PNKP: variants seen among roughly 807,000 people sequenced by gnomAD.
The protein encoded by PNKP is polynucleotide kinase 3'-phosphatase.
A neutral mutation model predicts 66.2 loss-of-function variants in PNKP; 82 were observed. That is an observed-to-expected ratio of 1.24 (90% CI 1.04 to 1.49). The LOEUF (loss-of-function observed/expected upper bound fraction) is 1.49. Ranked by LOEUF, PNKP falls within the 40% of genes most tolerant of loss-of-function variation. The probability of loss-of-function intolerance (pLI) is 0.00; values close to 1 mark genes in which losing one functional copy is unlikely to be tolerated. For missense variants in PNKP, 907 were observed against 706.8 expected, an observed-to-expected ratio of 1.28 and a Z score of -3.21; for synonymous variants, 412 against 298.9, an observed-to-expected ratio of 1.38 and a Z score of -3.90.
chr19:49,863,617 A>G (rs939291780), intron 8 of PNKP, 72 bp downstream of exon 8: 1 of 1,155,400 alleles, frequency 8.7e-7, no homozygotes, highest in South Asian at 1.3e-5. Flanking sequence ...CCCCAACCGG[A>G]GGCCGGGGAG....
Position 49,861,757 on chromosome 19 carries a change from C to T in PNKP, c.1298+15G>A, listed in dbSNP as rs1238206034. On this transcript the variant is annotated intron_variant, in intron 14 of 16. Coordinates refer to ENST00000322344, the MANE Select transcript of PNKP (RefSeq NM_007254.4). ...ACCCCGCCGCAGGCCACCTACGGCC[C>T]CGCGGTCACGCTACCTGGCGCGGCT... The T allele has an allele frequency of 4.5e-6, 7 of 1,561,522 alleles. No homozygotes were observed. The highest frequency in any genetic ancestry group is 1.2e-5 in the South Asian group (1 of 85,348).
At position 49,861,839 on chromosome 19, in the gene PNKP, T is replaced by A; in HGVS notation, c.1231A>T (p.Thr411Ser). The change falls in exon 14 of 17, where the codon ACA (threonine) becomes TCA (serine). Residue 411 changes from threonine (T) to serine (S), a missense_variant. By Grantham distance (58) the Thr-to-Ser change is moderately conservative. Coordinates refer to ENST00000322344, the MANE Select transcript of PNKP (RefSeq NM_007254.4). ...SWQRCVTTCE[T>S]ALKQGKRVAI... Reference sequence around the variant, plus strand: ...ACCCGTTTCCCTTGCTTCAGGGCTGTCTCACACGTGGTCACACAGCGCTGC... The same window carrying A: ...ACCCGTTTCCCTTGCTTCAGGGCTGACTCACACGTGGTCACACAGCGCTGC... The A allele has an allele frequency of 1.3e-6, 2 of 1,593,484 alleles. No homozygotes were observed. Among genetic ancestry groups the A allele is most frequent in the Non-Finnish European group, 1.7e-6 (2 of 1,172,542 alleles).
rs796052862 is a variant in PNKP at position 49,861,672 on chromosome 19, G to GCGGCT, written c.1317_1321dup (p.Ala441GlufsTer28). ...GAGGAAGCAGCGGCAGGGGACGCCCGCGGCTCGGGCACACTGGACGTACCT... is the reference window on the plus strand; with the variant it reads ...GAGGAAGCAGCGGCAGGGGACGCCCGCGGCTCGGCTCGGGCACACTGGACGTACCT... On this transcript the variant is annotated frameshift_variant, in exon 15 of 17. Coordinates refer to ENST00000322344, the MANE Select transcript of PNKP (RefSeq NM_007254.4). LOFTEE classifies it high-confidence loss of function. The GCGGCT allele has an allele frequency of 2.6e-5, 40 of 1,547,460 alleles. No individual in the cohort carries two copies. The highest frequency in any genetic ancestry group is 3.2e-5 in the Non-Finnish European group (37 of 1,146,310).
rs533017953 is a variant in PNKP, at chr19:49,866,380, C to T, written c.198+19G>A. The T allele has an allele frequency of 1.5e-5, 24 of 1,611,682 alleles. No individual in the cohort carries two copies. The highest frequency in any genetic ancestry group is 1.6e-4 in the Middle Eastern group (1 of 6,082). ...ATCCCATCCCCAGGCCTTGCTGGCC[C>T]TTGCAGAGGCACTGATACCTGTTTC... On this transcript the variant is annotated intron_variant, in intron 3 of 16. Transcript: ENST00000322344.
rs749391446 is a variant in PNKP, at chr19:49,862,225, G to T, written c.1086C>A (p.Ser362Arg). ...CTGCGACAACCACCTCCGGGCTGGCGCTCAGGAGGGCCCTGGACTCGGGGA... is the reference window on the plus strand; with the variant it reads ...CTGCGACAACCACCTCCGGGCTGGCTCTCAGGAGGGCCCTGGACTCGGGGA... ...LCLPESRALLSASPEVVVAVG... is the reference protein window; with the variant it reads ...LCLPESRALLRASPEVVVAVG... Residue 362 changes from serine to arginine, a missense_variant, in exon 12 of 17, where the codon AGC becomes AGA. By Grantham distance (110) the Ser-to-Arg change is moderately radical (BLOSUM62 -1). Transcript: ENST00000322344. The T allele has an allele frequency of 6.2e-7, 1 of 1,612,630 alleles. No individual in the cohort carries two copies. The highest frequency in any genetic ancestry group is 1.7e-5 in the Admixed American group (1 of 59,810).
intron 8 of PNKP, 129 bp from the exon 9 acceptor site, chr19:49,862,867 C>T: frequency 1.0e-6 from 1 of 978,284 alleles, no homozygotes; most frequent in Non-Finnish European, 1.6e-6. Context: ...CATGTCCTCA[C>T]TCTCCAGCCA....
At position 49,867,557 on chromosome 19, in the gene PNKP, G is replaced by C. The variant is rs1027939866; in HGVS notation, c.-102C>G. 1 of 230,810 alleles carries C rather than the reference G, an allele frequency of 4.3e-6. No individual in the cohort carries two copies. Among genetic ancestry groups the C allele is most frequent in the Non-Finnish European group, 8.1e-6 (1 of 123,992 alleles). The allele number at this position is 230,810 out of a possible 1,614,324, so 14.3% of individuals were successfully genotyped here. A position where few individuals can be genotyped will look rare whatever the true frequency, so the allele number is the denominator to read the frequency against. ...CCTGCAACCCGGCCGGCGGCGGTCGGTTCCTCGGCGGACGGAAATGACTCG... is the reference window on the plus strand; with the variant it reads ...CCTGCAACCCGGCCGGCGGCGGTCGCTTCCTCGGCGGACGGAAATGACTCG... On this transcript the variant is annotated 5_prime_UTR_variant, in exon 1 of 17. Transcript: ENST00000322344.
Position 49,862,570 on chromosome 19 carries a change from T to A in PNKP, c.904A>T (p.Lys302Ter). The part of the protein sequence containing the change: ...GRPANWAPGR[K>*]KKDFSCADRL... ...TCGGCGCAGGAGAAGTCTTTCTTCT[T>A]CCGCCCCGGGGCCCAGTTGGCCGGG... The change falls in exon 10 of 17, where the codon AAG becomes TAG. Residue 302 changes from lysine (K) to a stop codon, truncating the protein, a stop_gained. Transcript: ENST00000322344. LOFTEE classifies it high-confidence loss of function. The A allele has an allele frequency of 6.2e-7, 1 of 1,612,962 alleles. No homozygotes were observed. The highest frequency in any genetic ancestry group is 1.1e-5 in the South Asian group (1 of 90,990).
intron 3 of PNKP, 73 bp from the exon 4 acceptor site, chr19:49,865,499 G>A (rs1323299365): frequency 3.6e-6 from 4 of 1,113,034 alleles, no homozygotes; most frequent in Non-Finnish European, 5.3e-6. Flanking sequence ...AATACCCAGC[G>A]GAAAAATCAG....
intron 8 of PNKP, 182 bp from the exon 9 acceptor site, chr19:49,862,920 TC>T: frequency 1.4e-6 from 1 of 702,826 alleles, no homozygotes; most frequent in Non-Finnish European, 2.5e-6. Flanking sequence ...CCGTGGTCTC[TC>T]CACACAGCCC....
intron 4 of PNKP, 91 bp from the exon 5 acceptor site, chr19:49,864,494 G>GGGTT: frequency 2.1e-6 from 2 of 972,402 alleles, no homozygotes; most frequent in Non-Finnish European, 3.3e-6. Flanking sequence ...CTGCCAGGCA[G>GGGTT]GGTGTTATCA....
At position 49,863,956 on chromosome 19, in the gene PNKP, A is replaced by C. The variant is rs587784370; in HGVS notation, c.744+8T>G. The C allele has an allele frequency of 1.2e-6, 2 of 1,603,546 alleles. No individual in the cohort carries two copies. Among genetic ancestry groups the C allele is most frequent in the South Asian group, 2.2e-5 (2 of 90,786 alleles). On this transcript the variant is annotated splice_region_variant and intron_variant, in intron 7 of 16. Transcript: ENST00000322344. ...CCACATAGCTCCCAGCCTCCCTTCC[A>C]GCCATACCTGGAAGGGGACCCCCAG... is the stretch of plus-strand genomic sequence containing the variant.
At position 49,861,664 on chromosome 19, in the gene PNKP, G is replaced by A. The variant is rs1191025361; in HGVS notation, c.1330C>T (p.Pro444Ser). Reference sequence around the variant, plus strand: ...GCGGTGAAGAGGAAGCAGCGGCAGGGGACGCCCGCGGCTCGGGCACACTGG... The same window carrying A: ...GCGGTGAAGAGGAAGCAGCGGCAGGAGACGCCCGCGGCTCGGGCACACTGG... Reference protein sequence around the residue: ...YVQCARAAGVPCRCFLFTATL... With the variant: ...YVQCARAAGVSCRCFLFTATL... Residue 444 changes from proline to serine, a missense_variant, in exon 15 of 17, where the codon CCC (proline) becomes TCC (serine). Transcript: ENST00000322344. The A allele has an allele frequency of 5.8e-6, 9 of 1,548,776 alleles. No homozygotes were observed. The highest frequency in any genetic ancestry group is 7.8e-6 in the Non-Finnish European group (9 of 1,146,664).
Position 49,861,597 on chromosome 19 carries a change from A to T in PNKP, c.1386+11T>A. On this transcript the variant is annotated intron_variant, in intron 15 of 16. Transcript: ENST00000322344. ...TGCAGCCCGGGGGGTGTCCGGGCTG[A>T]GCGGGCTCACCCGGTTGTTGTGGCG... The T allele has an allele frequency of 6.4e-7, 1 of 1,559,500 alleles. No homozygotes were observed. Among genetic ancestry groups the T allele is most frequent in the Non-Finnish European group, 8.7e-7 (1 of 1,152,962 alleles).
At position 49,862,525 on chromosome 19, in the gene PNKP, G is replaced by A. The variant is rs962788282; in HGVS notation, c.936+13C>T. 1.9e-6 allele frequency: 3 copies of A among 1,606,704 alleles called. No homozygotes were observed. The highest frequency in any genetic ancestry group is 2.6e-6 in the Non-Finnish European group (3 of 1,176,382). ...GTCGGGCTCGGGCGCGGGGCAGGGG[G>A]CAGGGGCCTCACCAGGCGATCGGCG... On this transcript the variant is annotated intron_variant, in intron 10 of 16. Coordinates refer to ENST00000322344, the MANE Select transcript of PNKP (RefSeq NM_007254.4).
chr19:49,865,450 G>A (rs370768389), intron 3 of PNKP, 24 bp from the exon 4 acceptor site: 5 of 1,556,672 alleles, frequency 3.2e-6, no homozygotes, highest in Admixed American at 1.8e-5. Context: ...GGGAGGAGCT[G>A]GGACTGGCTC....
In PNKP at chr19:49,861,853, A is replaced by C. The variant is rs141938129; in HGVS notation, c.1217T>G (p.Val406Gly). ...CTTCAGGGCTGTCTCACACGTGGTC[A>C]CACAGCGCTGCCAGGAGCCTAGCGT... is the stretch of plus-strand genomic sequence containing the variant. ...RDTLGSWQRC[V>G]TTCETALKQG... The change falls in exon 14 of 17, where the codon GTG (valine) becomes GGG (glycine). Residue 406 changes from valine (V) to glycine (G), a missense_variant. By Grantham distance (109) the Val-to-Gly change is moderately radical. Coordinates refer to ENST00000322344, the MANE Select transcript of PNKP (RefSeq NM_007254.4). The C allele has an allele frequency of 5.0e-6, 8 of 1,593,880 alleles. No individual in the cohort carries two copies. The highest frequency in any genetic ancestry group is 6.8e-6 in the Non-Finnish European group (8 of 1,172,992).
At chr19:49,865,767 C>T (rs997683047) in intron 3 of PNKP, among the ~76,000 whole-genome samples, 18 of 151,868 alleles carry the variant, frequency 1.2e-4, no homozygotes, top group East Asian at 9.7e-4. Flanking sequence ...GCACCCGCCA[C>T]CATGCCCCGC....
chr19:49,861,768 C>A lies in PNKP; in HGVS notation c.1298+4G>T. On this transcript the variant is annotated splice_donor_region_variant and intron_variant, in intron 14 of 16. Coordinates refer to ENST00000322344, the MANE Select transcript of PNKP (RefSeq NM_007254.4). Reference sequence around the variant, plus strand: ...GGCCACCTACGGCCCCGCGGTCACGCTACCTGGCGCGGCTCGCGGCGTCTG... The same window carrying A: ...GGCCACCTACGGCCCCGCGGTCACGATACCTGGCGCGGCTCGCGGCGTCTG... 6.4e-7 allele frequency: 1 copy of A among 1,568,206 alleles called. No homozygotes were observed. Among genetic ancestry groups the A allele is most frequent in the South Asian group, 1.2e-5 (1 of 85,820 alleles).
Sources: gnomAD v4.1 joint callset for allele counts (sites outside exome capture counted in the v4.1 genomes callset) on GRCh38, gnomAD v4.1.1 for gene constraint, MANE v1.5 for transcripts, NCBI Gene and HGNC (gene_info 2026-07-23, HGNC 2026-07-21) for gene names.